MCPH1: variants seen among roughly 807,000 people sequenced by gnomAD.
The protein encoded by MCPH1 is microcephalin.
A neutral mutation model predicts 84.5 loss-of-function variants in MCPH1; 104 were observed. That is an observed-to-expected ratio of 1.23 (90% CI 1.05 to 1.45). The LOEUF is 1.45. Ranked by LOEUF, MCPH1 falls within the 40% of genes most tolerant of loss-of-function variation. MCPH1 has a pLI of 0.00. For missense variants in MCPH1, 1,498 were observed against 1,005.7 expected, an observed-to-expected ratio of 1.49 and a Z score of -6.62; for synonymous variants, 514 against 366.8, an observed-to-expected ratio of 1.40 and a Z score of -4.58.
chr8:6,477,704 C>T lies in MCPH1; in HGVS notation c.1973+73C>T. 6.4e-6 allele frequency: 8 copies of T among 1,247,570 alleles called. No individual in the cohort carries two copies. The South Asian group carries it at 9.7e-5, about 15-fold the overall frequency. 77.3% of individuals were successfully genotyped at this position (1,247,570 alleles called of 1,614,324 possible). On this transcript the variant is annotated intron_variant, in intron 10 of 13. Transcript: ENST00000344683. ...CTCTCTTATACTCTAATTCTGGGTG[C>T]CTTTAGGCAACTTGTCAATCTGTCC...
chr8:6,606,019 A>T (rs572620835), intron 12 of MCPH1, among the ~76,000 whole-genome samples: 1 of 152,138 alleles, frequency 6.6e-6, no homozygotes, highest in African/African-American at 2.4e-5. Context: ...TTTAAAGCCA[A>T]TTTGCTTGTT....
At chr8:6,546,809 G>A (rs77428521) in intron 12 of MCPH1, among the ~76,000 whole-genome samples, 4,126 of 152,218 alleles carry the variant, frequency 0.027, 98 homozygotes, top group East Asian at 0.096. Context: ...GCCTTTAATT[G>A]TAATCTCTAT....
chr8:6,443,340 T>C (rs79900307), intron 7 of MCPH1, among the ~76,000 whole-genome samples: 16,352 of 149,520 alleles, frequency 0.11, 1,098 homozygotes, highest in Middle Eastern at 0.25. Context: ...GAATAAGATA[T>C]ATTGAGCATC....
At chr8:6,453,522 A>G (rs906496035) in intron 8 of MCPH1, among the ~76,000 whole-genome samples, 1 of 152,162 alleles carries the variant, frequency 6.6e-6, no homozygotes, top group East Asian at 1.9e-4. Flanking sequence ...GCAAGTGGCT[A>G]TTATAAAACT....
intron 9 of MCPH1, among the ~76,000 whole-genome samples, chr8:6,458,041 G>T (rs1463757862): frequency 6.6e-6 from 1 of 152,174 alleles, no homozygotes; most frequent in Non-Finnish European, 1.5e-5. Context: ...GCAAAGCAGA[G>T]TTTGGAAACT....
At chr8:6,530,243 C>G (rs1213671879) in intron 12 of MCPH1, among the ~76,000 whole-genome samples, 2 of 152,000 alleles carry the variant, frequency 1.3e-5, no homozygotes, top group South Asian at 2.1e-4. Context: ...TACGGTGGCT[C>G]ACGCCTGTGA....
intron 12 of MCPH1, among the ~76,000 whole-genome samples, chr8:6,620,433 T>G (rs1345375058): frequency 6.6e-6 from 1 of 152,142 alleles, no homozygotes. Flanking sequence ...TACTCTTTGC[T>G]GCTCTTCCCC....
At chr8:6,479,528 G>C (rs1186171914) in intron 10 of MCPH1, among the ~76,000 whole-genome samples, 1 of 151,620 alleles carries the variant, frequency 6.6e-6, no homozygotes, top group Non-Finnish European at 1.5e-5. Context: ...TCCACCTCCC[G>C]GGTTCACGCC....
At chr8:6,424,043 G>T (rs1239374199) in intron 3 of MCPH1, among the ~76,000 whole-genome samples, 1 of 152,194 alleles carries the variant, frequency 6.6e-6, no homozygotes, top group East Asian at 1.9e-4. Context: ...AGTAGCTCAT[G>T]GTTTCCACTG....
chr8:6,533,776 T>C (rs1819984213), intron 12 of MCPH1, among the ~76,000 whole-genome samples: 1 of 152,130 alleles, frequency 6.6e-6, no homozygotes, highest in Non-Finnish European at 1.5e-5. Context: ...GAATTCTTTA[T>C]AGAGAAACCA....
chr8:6,422,276 C>G (rs753653146), intron 3 of MCPH1, among the ~76,000 whole-genome samples: 6 of 151,638 alleles, frequency 4.0e-5, no homozygotes, highest in Non-Finnish European at 7.4e-5. Flanking sequence ...AAATTATGAA[C>G]AAAGGAAAAT....
chr8:6,484,621 G>T (rs1042199233), intron 11 of MCPH1, among the ~76,000 whole-genome samples: 1 of 152,242 alleles, frequency 6.6e-6, no homozygotes, highest in African/African-American at 2.4e-5. Flanking sequence ...AAACAGCACA[G>T]CTGTCCCTCC....
rs1281966632 is a variant in MCPH1, at chr8:6,601,711, CCA to C, written c.2215-19731_2215-19730del. ...CAGTGCATACCACACACAACACACA[CCA>C]CACACACACACCCAATCACATACCA... On this transcript the variant is annotated intron_variant, in intron 12 of 13. Transcript: ENST00000344683. 3.9e-3 allele frequency among the ~76,000 whole-genome samples: 552 copies of C among 143,318 alleles called. 38 individuals carry two copies. The highest frequency in any genetic ancestry group is 0.015 in the African/African-American group (538 of 34,848). The allele number at this position is 143,318 out of a possible 152,430, so 94.0% of individuals were successfully genotyped here. A position where few individuals can be genotyped will look rare whatever the true frequency, so the allele number is the denominator to read the frequency against.
chr8:6,620,751 G>A (rs1396768946), intron 12 of MCPH1, among the ~76,000 whole-genome samples: 2 of 152,160 alleles, frequency 1.3e-5, no homozygotes, highest in Non-Finnish European at 2.9e-5. Context: ...CAGAATAACT[G>A]GGCCTTCCCG....
At chr8:6,505,646 A>G (rs1434029768) in intron 12 of MCPH1, among the ~76,000 whole-genome samples, 1 of 130,150 alleles carries the variant, frequency 7.7e-6, no homozygotes, top group Non-Finnish European at 1.6e-5. Flanking sequence ...TATATTCTTT[A>G]TATCTATTTA....
intron 6 of MCPH1, among the ~76,000 whole-genome samples, chr8:6,441,644 G>T (rs1475495528): frequency 6.6e-6 from 1 of 152,198 alleles, no homozygotes; most frequent in African/African-American, 2.4e-5. Context: ...GCACTGCCCT[G>T]TGTGTGGTAG....
intron 11 of MCPH1, among the ~76,000 whole-genome samples, chr8:6,493,109 CT>C (rs1375065166): frequency 6.6e-6 from 1 of 152,072 alleles, no homozygotes; most frequent in Non-Finnish European, 1.5e-5. Flanking sequence ...ATATTTATTT[CT>C]TTGTTTTCCT....
At chr8:6,427,987 T>C (rs1342409335) in intron 3 of MCPH1, among the ~76,000 whole-genome samples, 1 of 151,848 alleles carries the variant, frequency 6.6e-6, no homozygotes, top group Admixed American at 6.6e-5. Flanking sequence ...GAGACGGGGT[T>C]TCCCCATGTT....
rs199778883 is a variant in MCPH1, at chr8:6,514,827, C to T, written c.2214+14898C>T. 73 of 1,513,174 alleles carry T rather than the reference C, an allele frequency of 4.8e-5. 2 individuals are homozygous for T. The African/African-American group carries it at 6.4e-4, about 13-fold the overall frequency. The allele number at this position is 1,513,174 out of a possible 1,614,324, so 93.7% of individuals were successfully genotyped here. On this transcript the variant is annotated intron_variant, in intron 12 of 13. Transcript: ENST00000344683. ...AAGTGACAGAGCCCCCCCACTCCCC[C>T]CTTACGTAGCAGAAGCAGGAGGAAT...
Sources: gnomAD v4.1 joint callset for allele counts (sites outside exome capture counted in the v4.1 genomes callset) on GRCh38, gnomAD v4.1.1 for gene constraint, MANE v1.5 for transcripts, NCBI Gene and HGNC (gene_info 2026-07-23, HGNC 2026-07-21) for gene names.